The following DGKB variants were observed in gnomAD, a reference collection of about 807,000 sequenced individuals.
DGKB encodes the protein 90 kDa diacylglycerol kinase.
Under a neutral mutation model 114.3 loss-of-function variants are expected in DGKB, and 67 were observed. The ratio of observed to expected loss-of-function variants is 0.59; its 90% CI spans 0.48 to 0.72. DGKB has a LOEUF of 0.72. Among genes scored for constraint, DGKB ranks in the 30% least tolerant of loss-of-function variants. DGKB has a pLI of 0.00. For synonymous variants in DGKB, 398 were observed against 323.1 expected (o/e 1.23, Z -2.49); for missense variants, 907 against 975.2 (o/e 0.93, Z 0.93).
chr7:14,195,159 G>A (rs966758000), intron 23 of DGKB, among the ~76,000 whole-genome samples: 2 of 152,140 alleles, frequency 1.3e-5, no homozygotes, highest in African/African-American at 2.4e-5. Flanking sequence ...TTCTCGTTAA[G>A]CTTTGTGAAG....
intron 23 of DGKB, among the ~76,000 whole-genome samples, chr7:14,242,475 C>A (rs1208188529): frequency 1.3e-5 from 2 of 152,108 alleles, no homozygotes; most frequent in Admixed American, 6.6e-5. Flanking sequence ...CAGATTACTG[C>A]GTGTCTGAGA....
At chr7:14,724,465 G>A (rs1371701266) in intron 5 of DGKB, among the ~76,000 whole-genome samples, 1 of 152,282 alleles carries the variant, frequency 6.6e-6, no homozygotes, top group East Asian at 1.9e-4. Context: ...CAGACTGTGA[G>A]ATACAGTCCC....
intron 21 of DGKB, among the ~76,000 whole-genome samples, chr7:14,391,604 T>G (rs1433971429): frequency 6.6e-6 from 1 of 151,096 alleles, no homozygotes; most frequent in African/African-American, 2.4e-5. Flanking sequence ...GAAGCTGAGG[T>G]GAGAGGATCA....
intron 21 of DGKB, among the ~76,000 whole-genome samples, chr7:14,411,907 G>A (rs2128746349): frequency 6.6e-6 from 1 of 152,230 alleles, no homozygotes; most frequent in Admixed American, 6.5e-5. Flanking sequence ...AATAATATGT[G>A]ACCATTTAAA....
intron 12 of DGKB, among the ~76,000 whole-genome samples, chr7:14,676,707 G>T (rs963241512): frequency 6.6e-6 from 1 of 151,954 alleles, no homozygotes; most frequent in East Asian, 1.9e-4. Flanking sequence ...GATGCTGAAG[G>T]CTGACTATTG....
At chr7:14,347,204 G>C (rs1812627023) in intron 21 of DGKB, among the ~76,000 whole-genome samples, 1 of 151,676 alleles carries the variant, frequency 6.6e-6, no homozygotes, top group African/African-American at 2.4e-5. Context: ...TGCCAGGACT[G>C]AGTCTCTTCC....
At chr7:14,805,957 C>A (rs1842744028) in intron 2 of DGKB, among the ~76,000 whole-genome samples, 1 of 151,052 alleles carries the variant, frequency 6.6e-6, no homozygotes, top group Non-Finnish European at 1.5e-5. Flanking sequence ...ATTATTCTAA[C>A]TTTGATTCTT....
chr7:14,567,481 T>C (rs1452734430), intron 20 of DGKB, among the ~76,000 whole-genome samples: 4 of 71,068 alleles, frequency 5.6e-5, no homozygotes, highest in East Asian at 6.9e-4. Context: ...ATATTATATA[T>C]ATTTATATAT....
chr7:14,897,924 G>A (rs1344423436), intron 1 of DGKB, among the ~76,000 whole-genome samples: 2 of 151,946 alleles, frequency 1.3e-5, no homozygotes, highest in Non-Finnish European at 2.9e-5. Flanking sequence ...TAAAAGAAGT[G>A]TTTATTAAGC....
At chr7:14,939,917 C>A (rs1785480331) in intron 1 of DGKB, among the ~76,000 whole-genome samples, 1 of 152,032 alleles carries the variant, frequency 6.6e-6, no homozygotes, top group Admixed American at 6.6e-5. Context: ...CCAGCCAATT[C>A]ATATTTATAA....
At chr7:14,293,355 T>C (rs1215166434) in intron 23 of DGKB, among the ~76,000 whole-genome samples, 1 of 152,176 alleles carries the variant, frequency 6.6e-6, no homozygotes, top group African/African-American at 2.4e-5. Context: ...GGTAAACAAA[T>C]GCAACTAAGA....
At chr7:14,734,188 C>T (rs1250686237) in intron 5 of DGKB, among the ~76,000 whole-genome samples, 1 of 119,626 alleles carries the variant, frequency 8.4e-6, no homozygotes, top group Non-Finnish European at 2.0e-5. Context: ...GCGCCTGCCA[C>T]CATGCCCGGC....
At chr7:14,914,385 G>A (rs896699898) in intron 1 of DGKB, among the ~76,000 whole-genome samples, 1 of 152,142 alleles carries the variant, frequency 6.6e-6, no homozygotes, top group African/African-American at 2.4e-5. Context: ...ACCACTGAAA[G>A]AGCTACAAGA....
Position 14,370,539 on chromosome 7 carries a change from G to A in DGKB, c.1836-25148C>T, listed in dbSNP as rs183076781. 1.7e-3 allele frequency among the ~76,000 whole-genome samples: 254 copies of A among 152,212 alleles called. 3 individuals carry two copies. Among genetic ancestry groups the A allele is most frequent in the African/African-American group, 6.0e-3 (249 of 41,530 alleles). On this transcript the variant is annotated intron_variant, in intron 21 of 25. Coordinates refer to ENST00000402815, the MANE Select transcript of DGKB (RefSeq NM_001350709.2). ...GCAGTATGGCCATTTTCATGATATT[G>A]ATTCTTCCTATCCGTGAGCATGGAA...
intron 1 of DGKB, among the ~76,000 whole-genome samples, chr7:14,901,119 T>A (rs1023062873): frequency 6.6e-6 from 1 of 152,208 alleles, no homozygotes; most frequent in South Asian, 2.1e-4. Flanking sequence ...GTGTGTGGCA[T>A]GGATCGCCTA....
chr7:14,579,103 A>G lies in DGKB; in HGVS notation c.1609+1759T>C, dbSNP rs112449839. Among the ~76,000 whole-genome samples the G allele has an allele frequency of 2.5e-3, 386 of 152,250 alleles. 3 individuals carry two copies. The highest frequency in any genetic ancestry group is 8.9e-3 in the African/African-American group (368 of 41,544). On this transcript the variant is annotated intron_variant, in intron 19 of 25. Coordinates refer to ENST00000402815, the MANE Select transcript of DGKB (RefSeq NM_001350709.2). ...CCATCTAGCTAGATAGTTCATCTCT[A>G]TTATTCATTCTTCTGATTCTTTGAT...
In DGKB at chr7:14,146,300, T is replaced by C. The variant is rs1781470540; in HGVS notation, c.*2831A>G. The C allele has an allele frequency of 6.6e-6, 1 of 152,202 alleles. No individual in the cohort carries two copies. The highest frequency in any genetic ancestry group is 1.5e-5 in the Non-Finnish European group (1 of 68,036). 9.4% of individuals were successfully genotyped at this position (152,202 alleles called of 1,614,324 possible). A position where few individuals can be genotyped will look rare whatever the true frequency, so the allele number is the denominator to read the frequency against. On this transcript the variant is annotated 3_prime_UTR_variant, in exon 26 of 26. Coordinates refer to ENST00000402815, the MANE Select transcript of DGKB (RefSeq NM_001350709.2). ...TTTACTCTGAAATGTCTCTCTGGAATCTCATCAACTCAGTGCCTAGCAATG... is the reference window on the plus strand; with the variant it reads ...TTTACTCTGAAATGTCTCTCTGGAACCTCATCAACTCAGTGCCTAGCAATG...
chr7:14,697,710 A>AAG (rs1341164226), intron 8 of DGKB, among the ~76,000 whole-genome samples: 26 of 143,934 alleles, frequency 1.8e-4, no homozygotes, highest in African/African-American at 7.1e-4. Context: ...AAGGAAGGAA[A>AAG]GAAAGAAAAG....
intron 21 of DGKB, among the ~76,000 whole-genome samples, chr7:14,371,982 T>C (rs1583469740): frequency 1.3e-5 from 2 of 152,280 alleles, no homozygotes; most frequent in Admixed American, 1.3e-4. Context: ...ACTGACTTTG[T>C]ATGCACCTGG....
Sources: gnomAD v4.1 joint callset for allele counts (sites outside exome capture counted in the v4.1 genomes callset) on GRCh38, gnomAD v4.1.1 for gene constraint, MANE v1.5 for transcripts, NCBI Gene and HGNC (gene_info 2026-07-23, HGNC 2026-07-21) for gene names.